Variants in TRPC4 observed in about 807,000 individuals in gnomAD.
The protein encoded by TRPC4 is transient receptor potential cation channel subfamily C member 4.
A neutral mutation model predicts 99.4 loss-of-function variants in TRPC4; 49 were observed. That is an observed-to-expected ratio of 0.49 (90% CI 0.39 to 0.63). The LOEUF (loss-of-function observed/expected upper bound fraction) is 0.63. TRPC4 is among the 20% of genes least tolerant of loss of function. The pLI, the probability that TRPC4 is intolerant of heterozygous loss-of-function variation, is 0.00. For missense variants in TRPC4, 898 were observed against 1,152.9 expected (o/e 0.78, Z 3.20); for synonymous variants, 454 against 425.9 (o/e 1.07, Z -0.81).
At chr13:37,664,025 C>T (rs17056401) in intron 5 of TRPC4, among the ~76,000 whole-genome samples, 1,742 of 152,234 alleles carry the variant, frequency 0.011, 40 homozygotes, top group African/African-American at 0.04. Context: ...ACTTACAAAT[C>T]GTCCCGGCAG....
chr13:37,730,523 T>C (rs1955209476), intron 3 of TRPC4, among the ~76,000 whole-genome samples: 1 of 152,032 alleles, frequency 6.6e-6, no homozygotes, highest in Admixed American at 6.6e-5. Context: ...ATTGTTTATA[T>C]TAATTATACT....
intron 2 of TRPC4, among the ~76,000 whole-genome samples, chr13:37,749,392 G>T (rs1955871455): frequency 1.3e-5 from 2 of 151,998 alleles, no homozygotes; most frequent in Admixed American, 6.6e-5. Flanking sequence ...ATTATATGTT[G>T]TCTTTACCAT....
chr13:37,682,380 G>A (rs1343890159), intron 4 of TRPC4, among the ~76,000 whole-genome samples: 1 of 152,128 alleles, frequency 6.6e-6, no homozygotes, highest in African/African-American at 2.4e-5. Flanking sequence ...GAATATAAAA[G>A]TAGTCTCTCA....
At chr13:37,701,583 C>G (rs1475648194) in intron 3 of TRPC4, among the ~76,000 whole-genome samples, 1 of 152,108 alleles carries the variant, frequency 6.6e-6, no homozygotes, top group Admixed American at 6.6e-5. Context: ...TGTGGCCCTT[C>G]ATGCTAGCTT....
At chr13:37,649,659 G>A (rs577098926) in intron 8 of TRPC4, among the ~76,000 whole-genome samples, 26 of 139,200 alleles carry the variant, frequency 1.9e-4, no homozygotes, top group East Asian at 1.1e-3. Context: ...GCGTGAACCC[G>A]GAAGGCGGAG....
chr13:37,795,717 T>C, intron 1 of TRPC4, among the ~76,000 whole-genome samples: 1 of 152,182 alleles, frequency 6.6e-6, no homozygotes, highest in South Asian at 2.1e-4. Context: ...GTCCTACCAT[T>C]ACACAACAAC....
rs1430697077 is a variant in TRPC4, at chr13:37,821,350, G to T, written c.-27-37990C>A. On this transcript the variant is annotated intron_variant, in intron 1 of 10. Coordinates refer to ENST00000379705, the MANE Select transcript of TRPC4 (RefSeq NM_016179.4). ...GAATGGAAAAATAGTCCAAGTTCATGAATAGGAATAATCAATATTGTTAAA... is the reference window on the plus strand; with the variant it reads ...GAATGGAAAAATAGTCCAAGTTCATTAATAGGAATAATCAATATTGTTAAA... Among the ~76,000 whole-genome samples, 3 of 152,186 alleles carry T rather than the reference G, an allele frequency of 2.0e-5. No homozygotes were observed. The East Asian group carries it at 5.8e-4, about 29-fold the overall frequency.
chr13:37,709,705 C>A (rs747847646), intron 3 of TRPC4, among the ~76,000 whole-genome samples: 4 of 151,918 alleles, frequency 2.6e-5, no homozygotes, highest in Non-Finnish European at 5.9e-5. Flanking sequence ...TTTATATGTG[C>A]ATGTATCATG....
chr13:37,721,644 ACTTT>A (rs756366128), intron 3 of TRPC4, among the ~76,000 whole-genome samples: 3 of 152,150 alleles, frequency 2.0e-5, no homozygotes, highest in Non-Finnish European at 4.4e-5. Flanking sequence ...AGATTGTTTA[ACTTT>A]ATCTTTAAAC....
At position 37,674,370 on chromosome 13, in the gene TRPC4, G is replaced by A; in HGVS notation, c.1235-3C>T. On this transcript the variant is annotated splice_polypyrimidine_tract_variant and splice_region_variant and intron_variant, in intron 4 of 10. Transcript: ENST00000379705. ...TTTAATTTCTCCCCATATGAAGCCTGCAATTATAGAAAGATTCATTGTAAG... is the reference window on the plus strand; with the variant it reads ...TTTAATTTCTCCCCATATGAAGCCTACAATTATAGAAAGATTCATTGTAAG... The A allele has an allele frequency of 6.3e-7, 1 of 1,595,094 alleles. No individual in the cohort carries two copies. Among genetic ancestry groups the A allele is most frequent in the African/African-American group, 1.3e-5 (1 of 74,104 alleles).
intron 1 of TRPC4, among the ~76,000 whole-genome samples, chr13:37,868,675 C>A (rs907046320): frequency 9.9e-5 from 15 of 151,594 alleles, no homozygotes; most frequent in African/African-American, 3.4e-4. Context: ...CCTTCTGTCT[C>A]TTCCTACTCC....
intron 6 of TRPC4, among the ~76,000 whole-genome samples, chr13:37,660,674 T>C (rs190017514): frequency 2.4e-4 from 36 of 152,332 alleles, no homozygotes; most frequent in Admixed American, 2.2e-3. Context: ...GTAGCTACCA[T>C]TTTTGATGAC....
intron 1 of TRPC4, among the ~76,000 whole-genome samples, chr13:37,804,107 A>G (rs1008276149): frequency 4.6e-5 from 7 of 152,096 alleles, no homozygotes; most frequent in African/African-American, 1.7e-4. Flanking sequence ...GTAACGCTTT[A>G]TATGTTAGAC....
intron 3 of TRPC4, among the ~76,000 whole-genome samples, chr13:37,729,105 G>A (rs571651072): frequency 3.3e-5 from 5 of 152,132 alleles, no homozygotes; most frequent in Non-Finnish European, 5.9e-5. Flanking sequence ...CACGATATTG[G>A]ACTTGGCAAT....
chr13:37,738,217 T>C (rs1010176074), intron 3 of TRPC4, among the ~76,000 whole-genome samples: 1 of 152,118 alleles, frequency 6.6e-6, no homozygotes, highest in African/African-American at 2.4e-5. Context: ...TGGGAAGCCA[T>C]AATAGAATAA....
Position 37,636,735 on chromosome 13 carries a change from T to A in TRPC4, c.*168A>T. ...AAAAGCAGGCTACAAAACAAAAAGG[T>A]TTTTGATTGCCTTTGCCTTATTTAA... is the stretch of plus-strand genomic sequence containing the variant. On this transcript the variant is annotated 3_prime_UTR_variant, in exon 11 of 11. Transcript: ENST00000379705. The A allele has an allele frequency of 3.3e-6, 3 of 896,610 alleles. No individual in the cohort carries two copies. Among genetic ancestry groups the A allele is most frequent in the South Asian group, 3.4e-5 (1 of 29,354 alleles). The allele number at this position is 896,610 out of a possible 1,614,324, so 55.5% of individuals were successfully genotyped here. A position where few individuals can be genotyped will look rare whatever the true frequency, so the allele number is the denominator to read the frequency against.
intron 2 of TRPC4, among the ~76,000 whole-genome samples, chr13:37,776,056 G>A (rs933006): frequency 0.45 from 68,563 of 151,438 alleles, 15,809 homozygotes; most frequent in Middle Eastern, 0.5. Context: ...TAATAGTGCA[G>A]CATGATCCAT....
intron 4 of TRPC4, among the ~76,000 whole-genome samples, chr13:37,674,591 C>T (rs571023266): frequency 1.3e-5 from 2 of 152,298 alleles, no homozygotes; most frequent in South Asian, 4.1e-4. Flanking sequence ...GCCTCACTTT[C>T]TTTTATCCAT....
At chr13:37,869,250 C>T (rs775148400) in intron 1 of TRPC4, among the ~76,000 whole-genome samples, 1 of 152,080 alleles carries the variant, frequency 6.6e-6, no homozygotes, top group Non-Finnish European at 1.5e-5. Context: ...CATTCCCCAG[C>T]ACCACGGCGT....
Sources: gnomAD v4.1 joint callset for allele counts (sites outside exome capture counted in the v4.1 genomes callset) on GRCh38, gnomAD v4.1.1 for gene constraint, MANE v1.5 for transcripts, NCBI Gene and HGNC (gene_info 2026-07-23, HGNC 2026-07-21) for gene names.